Variants in NTF3 observed in about 807,000 individuals in gnomAD.
NTF3 encodes neurotrophin-3.
In NTF3, 8 loss-of-function variants were observed where a neutral mutation model predicts 26.3. That is an observed-to-expected ratio of 0.30 (90% CI 0.18 to 0.55). The LOEUF (loss-of-function observed/expected upper bound fraction) is 0.55, where lower values mean the gene tolerates loss of function less well. Ranked by LOEUF, NTF3 falls within the 20% of genes least tolerant of loss-of-function variation. The pLI is 0.93. For synonymous variants in NTF3, 154 were observed against 145.5 expected (o/e 1.06, Z -0.42); for missense variants, 276 against 352.9 (o/e 0.78, Z 1.75).
chr12:5,481,550 TATGCACACACACACATACATAC>T (rs1940798553), intron 1 of NTF3, among the ~76,000 whole-genome samples: 1 of 12,678 alleles, frequency 7.9e-5, no homozygotes, highest in Non-Finnish European at 1.8e-4. Flanking sequence ...AGAATACATA[TATGCACACACACACATACATAC>T]ATGCACCACA....
At chr12:5,486,078 TC>T (rs1026684052) in intron 1 of NTF3, among the ~76,000 whole-genome samples, 12 of 152,058 alleles carry the variant, frequency 7.9e-5, no homozygotes, top group Non-Finnish European at 7.4e-5. Context: ...ATATACCTCA[TC>T]CTTGTGAAAG....
At chr12:5,492,606 A>G (rs1940951842) in intron 1 of NTF3, among the ~76,000 whole-genome samples, 2 of 152,232 alleles carry the variant, frequency 1.3e-5, no homozygotes, top group Admixed American at 1.3e-4. Flanking sequence ...GGTGAGCAGC[A>G]AAGCTAGAAT....
In NTF3 at chr12:5,432,337, G is replaced by A; in HGVS notation, c.13G>A (p.Ala5Thr). Residue 5 changes from alanine (A) to threonine (T), a missense_variant, in exon 1 of 2, where the codon GCC becomes ACC. This residue lies in a region of NTF3 where 221 missense variants were observed against 258.2 expected (regional missense o/e 0.86). Transcript: ENST00000423158. MVTF[A>T]TILQVNKVMS... ...CCACACGGATGCCATGGTTACTTTTGCCACGGTAAGGGGAGGCGGCGGGCA... is the reference window on the plus strand; with the variant it reads ...CCACACGGATGCCATGGTTACTTTTACCACGGTAAGGGGAGGCGGCGGGCA... 1 of 1,612,942 alleles carries A rather than the reference G, an allele frequency of 6.2e-7. No homozygotes were observed. Among genetic ancestry groups the A allele is most frequent in the Non-Finnish European group, 8.5e-7 (1 of 1,179,708 alleles).
chr12:5,470,869 C>A (rs1285078162), intron 1 of NTF3, among the ~76,000 whole-genome samples: 1 of 152,194 alleles, frequency 6.6e-6, no homozygotes, highest in Non-Finnish European at 1.5e-5. Flanking sequence ...AAATGTGTGG[C>A]CCAGATGATT....
rs374453313 is a variant in NTF3 at position 5,494,691 on chromosome 12, G to C, written c.516G>C (p.Val172=). Residue 172 remains valine (V), a synonymous_variant, in exon 2 of 2, where the codon GTG becomes GTC. Coordinates refer to ENST00000423158, the MANE Select transcript of NTF3 (RefSeq NM_001102654.2). The surrounding 1 kb of genome is among the most constrained non-coding windows in gnomAD (Gnocchi z 8.3). ...TATGTGACAGTGAGAGTCTGTGGGT[G>C]ACCGACAAGTCATCGGCCATCGACA... The part of the protein sequence containing the change: ...YSVCDSESLW[V]TDKSSAIDIR... The C allele has an allele frequency of 1.2e-5, 19 of 1,614,084 alleles. No homozygotes were observed. In the African/African-American group the frequency reaches 2.5e-4, roughly 22 times the overall value.
intron 1 of NTF3, among the ~76,000 whole-genome samples, chr12:5,457,792 T>C (rs1940470614): frequency 6.6e-6 from 1 of 152,120 alleles, no homozygotes; most frequent in African/African-American, 2.4e-5. Context: ...TCTTTCACCT[T>C]AATAAATGGA....
rs572655933 is a variant in NTF3 at position 5,462,972 on chromosome 12, A to G, written c.18+30630A>G. Among the ~76,000 whole-genome samples, 4 of 152,290 alleles carry G rather than the reference A, an allele frequency of 2.6e-5. No individual in the cohort carries two copies. In the South Asian group the frequency reaches 8.3e-4, roughly 32 times the overall value. The stretch of plus-strand genomic sequence containing the variant: ...TTTTCAGAATGTTTCTCACTGATGG[A>G]GATGACAGAAAGCTAGGATGATTTG... On this transcript the variant is annotated intron_variant, in intron 1 of 1. Coordinates refer to ENST00000423158, the MANE Select transcript of NTF3 (RefSeq NM_001102654.2).
At chr12:5,473,191 C>T (rs141410026) in intron 1 of NTF3, among the ~76,000 whole-genome samples, 20 of 152,318 alleles carry the variant, frequency 1.3e-4, no homozygotes, top group East Asian at 1.9e-4. Context: ...CTTTTGCCTG[C>T]CCAGCCCTCC....
chr12:5,481,481 A>G (rs1463900909), intron 1 of NTF3, among the ~76,000 whole-genome samples: 3 of 148,596 alleles, frequency 2.0e-5, no homozygotes, highest in Non-Finnish European at 3.0e-5. Flanking sequence ...CCACACATAC[A>G]TGCACACCAC....
intron 1 of NTF3, among the ~76,000 whole-genome samples, chr12:5,479,251 G>A (rs1402010369): frequency 6.6e-6 from 1 of 152,218 alleles, no homozygotes; most frequent in African/African-American, 2.4e-5. Context: ...GAGAGAAGTG[G>A]ATGCAGAACT....
intron 1 of NTF3, among the ~76,000 whole-genome samples, chr12:5,473,134 C>G (rs1940685389): frequency 6.6e-6 from 1 of 152,196 alleles, no homozygotes; most frequent in African/African-American, 2.4e-5. Context: ...AGACTGCTAT[C>G]CTCTCTTTCT....
At chr12:5,450,924 G>T (rs1027266553) in intron 1 of NTF3, among the ~76,000 whole-genome samples, 6 of 152,150 alleles carry the variant, frequency 3.9e-5, no homozygotes, top group Non-Finnish European at 7.3e-5. Flanking sequence ...CTTAGTAAAG[G>T]TTTTTCAAAT....
chr12:5,435,023 T>C (rs535817861), intron 1 of NTF3, among the ~76,000 whole-genome samples: 1 of 152,174 alleles, frequency 6.6e-6, no homozygotes, highest in East Asian at 1.9e-4. Context: ...CCCCCCTCCT[T>C]CCTCCCCAGA....
At chr12:5,450,559 C>G (rs1249561204) in intron 1 of NTF3, among the ~76,000 whole-genome samples, 1 of 152,192 alleles carries the variant, frequency 6.6e-6, no homozygotes, top group Non-Finnish European at 1.5e-5. Context: ...CCTGCATTGT[C>G]ACTCAGACAA....
intron 1 of NTF3, among the ~76,000 whole-genome samples, chr12:5,442,694 G>A (rs546605558): frequency 5.9e-5 from 9 of 152,112 alleles, no homozygotes; most frequent in South Asian, 2.1e-4. Context: ...AGAAACAGAC[G>A]TGGAGTCCTA....
At chr12:5,478,453 C>T (rs760702841) in intron 1 of NTF3, among the ~76,000 whole-genome samples, 35 of 150,038 alleles carry the variant, frequency 2.3e-4, no homozygotes, top group Admixed American at 1.1e-3. Context: ...CAGACCCTTC[C>T]GTCTGACTAC....
At chr12:5,486,388 C>A (rs575868192) in intron 1 of NTF3, among the ~76,000 whole-genome samples, 3 of 152,268 alleles carry the variant, frequency 2.0e-5, no homozygotes, top group African/African-American at 7.2e-5. Flanking sequence ...CTAGAGGAAG[C>A]CAACTTCTTT....
chr12:5,464,063 C>A (rs1249689897), intron 1 of NTF3, among the ~76,000 whole-genome samples: 1 of 152,132 alleles, frequency 6.6e-6, no homozygotes, highest in Non-Finnish European at 1.5e-5. Flanking sequence ...CTGCACTGGC[C>A]CAGTACCCTT....
chr12:5,463,347 G>A (rs1357708984), intron 1 of NTF3, among the ~76,000 whole-genome samples: 2 of 152,146 alleles, frequency 1.3e-5, no homozygotes, highest in Non-Finnish European at 2.9e-5. Flanking sequence ...ACACAGCTTA[G>A]AAACTGTCAT....
Sources: gnomAD v4.1 joint callset for allele counts (sites outside exome capture counted in the v4.1 genomes callset) on GRCh38, gnomAD v4.1.1 for gene constraint, gnomAD v4.1.1 regional missense constraint, Gnocchi (gnomAD v3.1) non-coding constraint, MANE v1.5 for transcripts, NCBI Gene and HGNC (gene_info 2026-07-23, HGNC 2026-07-21) for gene names.